Variants in OPCML observed in about 807,000 individuals in gnomAD.
OPCML encodes opioid-binding protein/cell adhesion molecule.
In OPCML, 13 loss-of-function variants were observed where a neutral mutation model predicts 37.8. The observed-to-expected ratio is 0.34, with a 90% CI of 0.22 to 0.55. The LOEUF (loss-of-function observed/expected upper bound fraction) is 0.55, where lower values mean the gene tolerates loss of function less well. OPCML is among the 20% of genes least tolerant of loss of function. The pLI is 0.91. For synonymous variants in OPCML, 176 were observed against 168.8 expected (o/e 1.04, Z -0.33); for missense variants, 341 against 435.6 (o/e 0.78, Z 1.93).
intron 2 of OPCML, among the ~76,000 whole-genome samples, chr11:132,936,019 C>A (rs555634636): frequency 6.6e-5 from 10 of 152,246 alleles, no homozygotes; most frequent in Admixed American, 3.3e-4. Context: ...TATGTTAGAT[C>A]CTGGTGGGTG....
intron 1 of OPCML, among the ~76,000 whole-genome samples, chr11:133,372,919 A>G (rs1234627239): frequency 6.6e-6 from 1 of 152,232 alleles, no homozygotes; most frequent in Non-Finnish European, 1.5e-5. Context: ...TTACATAGGC[A>G]TTTGAGTTGA....
At chr11:132,509,684 C>T (rs2096264696) in intron 4 of OPCML, among the ~76,000 whole-genome samples, 1 of 152,356 alleles carries the variant, frequency 6.6e-6, no homozygotes, top group Non-Finnish European at 1.5e-5. Context: ...GTTGAGCCTG[C>T]AGGTGCACAG....
intron 1 of OPCML, among the ~76,000 whole-genome samples, chr11:133,483,274 T>A (rs1947417455): frequency 6.6e-6 from 1 of 150,862 alleles, no homozygotes. Context: ...ATCCATAGCA[T>A]TGTAGTTGGA....
chr11:133,318,249 C>G (rs972098018), intron 1 of OPCML, among the ~76,000 whole-genome samples: 2 of 152,128 alleles, frequency 1.3e-5, no homozygotes, highest in African/African-American at 4.8e-5. Context: ...GCTCCTAGAC[C>G]CTCTCCTTCA....
chr11:133,495,318 G>A (rs1014411851), intron 1 of OPCML, among the ~76,000 whole-genome samples: 8 of 152,270 alleles, frequency 5.3e-5, no homozygotes, highest in East Asian at 1.9e-4. Context: ...TGGTATTTGG[G>A]TTGGTTCCAC....
At chr11:132,431,513 G>A (rs1427799546) in intron 7 of OPCML, among the ~76,000 whole-genome samples, 1 of 151,988 alleles carries the variant, frequency 6.6e-6, no homozygotes, top group African/African-American at 2.4e-5. Flanking sequence ...CTCTGTCCTT[G>A]TGGCTCTGTG....
intron 2 of OPCML, among the ~76,000 whole-genome samples, chr11:132,861,849 A>C (rs904260718): frequency 1.3e-4 from 20 of 151,970 alleles, no homozygotes; most frequent in South Asian, 2.1e-4. Context: ...AAAAAAAAAA[A>C]AAAAAAACAA....
intron 4 of OPCML, among the ~76,000 whole-genome samples, chr11:132,477,684 A>G (rs1171536888): frequency 2.0e-5 from 3 of 152,232 alleles, no homozygotes; most frequent in Admixed American, 6.5e-5. Flanking sequence ...GGGAATGAAC[A>G]TATGTTTTTC....
At chr11:132,450,360 G>A (rs2096065434) in intron 4 of OPCML, among the ~76,000 whole-genome samples, 2 of 152,236 alleles carry the variant, frequency 1.3e-5, no homozygotes, top group African/African-American at 4.8e-5. Flanking sequence ...CAACAGAGCA[G>A]GCCTGGACTG....
At chr11:133,008,732 G>T in intron 1 of OPCML, 1 of 282,190 alleles carries the variant, frequency 3.5e-6, no homozygotes, top group Non-Finnish European at 5.3e-6. Flanking sequence ...TGAGGCCTCT[G>T]ATATGACTGC....
At chr11:132,601,989 T>C (rs1161674533) in intron 3 of OPCML, among the ~76,000 whole-genome samples, 1 of 152,196 alleles carries the variant, frequency 6.6e-6, no homozygotes, top group Non-Finnish European at 1.5e-5. Flanking sequence ...CCAGGCACTA[T>C]GATTCATGTC....
At chr11:133,432,327 T>A (rs945849913) in intron 1 of OPCML, among the ~76,000 whole-genome samples, 2 of 152,242 alleles carry the variant, frequency 1.3e-5, no homozygotes, top group African/African-American at 4.8e-5. Context: ...TGGTAAAATA[T>A]GTCTAGATAT....
intron 3 of OPCML, among the ~76,000 whole-genome samples, chr11:132,602,070 A>G (rs915927662): frequency 3.3e-5 from 5 of 152,158 alleles, no homozygotes; most frequent in Admixed American, 2.0e-4. Flanking sequence ...TTCAGCATTC[A>G]CTATGCAAGT....
Position 132,943,265 on chromosome 11 carries a change from C to T in OPCML, c.62-255G>A. 2.1e-6 allele frequency: 2 copies of T among 939,172 alleles called. No individual in the cohort carries two copies. The highest frequency in any genetic ancestry group is 3.1e-6 in the Non-Finnish European group (2 of 637,918). The allele number at this position is 939,172 out of a possible 1,614,324, so 58.2% of individuals were successfully genotyped here. ...GGCTCTCCGGAGTCTGAGAATTCTT[C>T]CTCAGATCCTGCCTCAGCTTTCCAG... On this transcript the variant is annotated intron_variant, in intron 1 of 7. Transcript: ENST00000524381. This position sits in a 1 kb window ranked among gnomAD's most constrained non-coding sequence, Gnocchi z 4.3.
intron 2 of OPCML, among the ~76,000 whole-genome samples, chr11:132,731,596 G>T (rs990137581): frequency 5.3e-5 from 8 of 152,160 alleles, no homozygotes; most frequent in Non-Finnish European, 1.0e-4. Flanking sequence ...GCCATTGTAA[G>T]GTTATGGGTC....
intron 4 of OPCML, among the ~76,000 whole-genome samples, chr11:132,481,611 T>C (rs2096180738): frequency 6.6e-6 from 1 of 151,404 alleles, no homozygotes; most frequent in African/African-American, 2.4e-5. Context: ...ATCAACAGAA[T>C]ATACATTTTT....
chr11:132,898,490 T>C (rs1039100815), intron 2 of OPCML, among the ~76,000 whole-genome samples: 4 of 152,186 alleles, frequency 2.6e-5, no homozygotes, highest in African/African-American at 2.4e-5. Flanking sequence ...CGTCCCACCA[T>C]TCTGAAGCAA....
chr11:133,518,315 G>A (rs1245814305), intron 1 of OPCML, among the ~76,000 whole-genome samples: 7 of 150,792 alleles, frequency 4.6e-5, no homozygotes, highest in African/African-American at 9.9e-5. Context: ...GTATGGAAGC[G>A]TGTATAAGTG....
chr11:133,344,704 A>T (rs1592219612), intron 1 of OPCML, among the ~76,000 whole-genome samples: 2 of 152,170 alleles, frequency 1.3e-5, no homozygotes, highest in Admixed American at 1.3e-4. Flanking sequence ...GCATTTCAAA[A>T]ATTACAGAAA....
Sources: gnomAD v4.1 joint callset for allele counts (sites outside exome capture counted in the v4.1 genomes callset) on GRCh38, gnomAD v4.1.1 for gene constraint, Gnocchi (gnomAD v3.1) non-coding constraint, MANE v1.5 for transcripts, NCBI Gene and HGNC (gene_info 2026-07-23, HGNC 2026-07-21) for gene names.